The following PIK3C2G variants were observed in gnomAD, a reference collection of about 807,000 sequenced individuals.
PIK3C2G encodes the protein phosphatidylinositol-4-phosphate 3-kinase catalytic subunit type 2 gamma, also known as phosphatidylinositol 3-kinase C2 domain-containing subunit gamma.
In PIK3C2G, 168 loss-of-function variants were observed where a neutral mutation model predicts 181.1. The observed-to-expected ratio is 0.93, with a 90% confidence interval of 0.82 to 1.05. PIK3C2G has a LOEUF of 1.05. Ranked by LOEUF, PIK3C2G falls within the 50% of genes least tolerant of loss-of-function variation. The probability of loss-of-function intolerance (pLI) is 0.00; values close to 1 mark genes in which losing one functional copy is unlikely to be tolerated. For synonymous variants in PIK3C2G, 573 were observed against 592.2 expected (o/e 0.97, Z 0.47); for missense variants, 1,869 against 1,732.8 (o/e 1.08, Z -1.40).
chr12:18,381,687 A>G (rs1365322161), intron 13 of PIK3C2G, 79 bp from the exon 14 acceptor site: 2 of 869,138 alleles, frequency 2.3e-6, no homozygotes, highest in Non-Finnish European at 3.9e-6. Flanking sequence ...TTATATTCCA[A>G]AAGAAAACAT....
intron 14 of PIK3C2G, among the ~76,000 whole-genome samples, chr12:18,389,531 T>A (rs1259285018): frequency 1.3e-5 from 2 of 152,188 alleles, no homozygotes; most frequent in African/African-American, 4.8e-5. Context: ...CCTTTTCTCC[T>A]CAATTAAACT....
rs1481823992 is a variant in PIK3C2G at position 18,381,844 on chromosome 12, G to A, written c.1959G>A (p.Val653=). 1 of 1,613,400 alleles carries A rather than the reference G, an allele frequency of 6.2e-7. No homozygotes were observed. Among genetic ancestry groups the A allele is most frequent in the African/African-American group, 1.3e-5 (1 of 74,896 alleles). ...CCGTAGAAATGATAACTCCAGGAGT[G>A]TGGGATGTAAGTCAGCCATCCCCGG... ...EPPVEMITPG[V]WDVSQPSPVT... Residue 653 remains valine (V), a synonymous_variant, in exon 14 of 33, where the codon GTG becomes GTA. Transcript: ENST00000538779.
intron 22 of PIK3C2G, among the ~76,000 whole-genome samples, chr12:18,502,372 A>G (rs1198968050): frequency 1.3e-5 from 2 of 152,178 alleles, no homozygotes; most frequent in African/African-American, 4.8e-5. Context: ...CTCTCTGTTC[A>G]TATAGTTATA....
chr12:18,719,144 G>A, the PIK3C2G span, among the ~76,000 whole-genome samples: 1 of 152,118 alleles, frequency 6.6e-6, no homozygotes, highest in African/African-American at 2.4e-5. Context: ...TTTGAGAAGT[G>A]TCTAGGTTAT....
chr12:18,439,297 A>C (rs181196217), intron 18 of PIK3C2G, among the ~76,000 whole-genome samples: 1 of 152,098 alleles, frequency 6.6e-6, no homozygotes, highest in East Asian at 1.9e-4. Flanking sequence ...AAAGTCACAG[A>C]TCGCCAGTTG....
At chr12:18,268,042 G>A (rs1418030225) in intron 1 of PIK3C2G, among the ~76,000 whole-genome samples, 3 of 152,124 alleles carry the variant, frequency 2.0e-5, no homozygotes, top group South Asian at 2.1e-4. Context: ...GAATTGATCC[G>A]ACCCTATATC....
At chr12:18,253,294 C>T (rs930836022) in intron 1 of PIK3C2G, among the ~76,000 whole-genome samples, 3 of 151,984 alleles carry the variant, frequency 2.0e-5, no homozygotes, top group Non-Finnish European at 4.4e-5. Context: ...ATTTGTAACA[C>T]ATATAGTCAC....
At chr12:18,523,597 A>G (rs1278743649) in intron 24 of PIK3C2G, among the ~76,000 whole-genome samples, 1 of 152,210 alleles carries the variant, frequency 6.6e-6, no homozygotes, top group Non-Finnish European at 1.5e-5. Context: ...AGGATTGGGT[A>G]GGGCCAAATG....
chr12:18,519,662 CTT>C (rs1477640533), intron 24 of PIK3C2G, among the ~76,000 whole-genome samples: 1 of 152,080 alleles, frequency 6.6e-6, no homozygotes, highest in Non-Finnish European at 1.5e-5. Context: ...GGTCTTGACT[CTT>C]TATCCAATTT....
intron 24 of PIK3C2G, among the ~76,000 whole-genome samples, chr12:18,518,168 T>C (rs1198890492): frequency 1.3e-5 from 2 of 152,212 alleles, no homozygotes; most frequent in Admixed American, 6.5e-5. Flanking sequence ...CGCATTGATG[T>C]TCATCAGGGA....
In PIK3C2G at chr12:18,587,367, T is replaced by C. The variant is rs909600699; in HGVS notation, c.4012-7127T>C. On this transcript the variant is annotated intron_variant, in intron 29 of 32. Coordinates refer to ENST00000538779, the MANE Select transcript of PIK3C2G (RefSeq NM_001288772.2). ...AGACAACTTCAGCAAAGTTTTGGGA[T>C]ACAAATCAACATACAGAAAGGAGTA... is the stretch of plus-strand genomic sequence containing the variant. Among the ~76,000 whole-genome samples, 6 of 152,034 alleles carry C rather than the reference T, an allele frequency of 3.9e-5. 1 individual carries two copies. The highest frequency in any genetic ancestry group is 1.2e-4 in the African/African-American group (5 of 41,398).
intron 29 of PIK3C2G, among the ~76,000 whole-genome samples, chr12:18,567,616 A>C (rs1945706496): frequency 6.6e-6 from 1 of 151,694 alleles, no homozygotes; most frequent in Non-Finnish European, 1.5e-5. Flanking sequence ...ATCATTCCCG[A>C]TGCAATAATA....
At chr12:18,264,910 C>A (rs953710766) in intron 1 of PIK3C2G, among the ~76,000 whole-genome samples, 1 of 152,182 alleles carries the variant, frequency 6.6e-6, no homozygotes, top group African/African-American at 2.4e-5. Flanking sequence ...AGACTAATAA[C>A]CCACTGTAGA....
At chr12:18,274,639 C>T (rs1367475957) in intron 1 of PIK3C2G, among the ~76,000 whole-genome samples, 1 of 151,882 alleles carries the variant, frequency 6.6e-6, no homozygotes, top group African/African-American at 2.4e-5. Flanking sequence ...AACATCACAC[C>T]CCAGGGACTG....
upstream of PIK3C2G, among the ~76,000 whole-genome samples, chr12:18,243,320 A>C (rs1231353144): frequency 6.6e-6 from 1 of 151,780 alleles, no homozygotes; most frequent in Non-Finnish European, 1.5e-5. Flanking sequence ...GTTGGGTAAA[A>C]ATTTTTTCAG....
intron 24 of PIK3C2G, among the ~76,000 whole-genome samples, chr12:18,532,508 G>A (rs1943609987): frequency 6.6e-6 from 1 of 152,082 alleles, no homozygotes. Context: ...TAGGTATGAA[G>A]TTTGGGTCGT....
intron 8 of PIK3C2G, among the ~76,000 whole-genome samples, chr12:18,325,354 G>A (rs1317854285): frequency 6.6e-6 from 1 of 152,178 alleles, no homozygotes; most frequent in African/African-American, 2.4e-5. Context: ...CATTTGAGCT[G>A]AATGTTGACA....
chr12:18,422,246 T>G (rs1945529038), intron 17 of PIK3C2G, among the ~76,000 whole-genome samples: 1 of 151,952 alleles, frequency 6.6e-6, no homozygotes, highest in Admixed American at 6.6e-5. Context: ...AAGTTTCAAC[T>G]ATGTCATGAT....
At chr12:18,284,810 G>A (rs1229193313) in intron 2 of PIK3C2G, among the ~76,000 whole-genome samples, 3 of 152,076 alleles carry the variant, frequency 2.0e-5, no homozygotes, top group Non-Finnish European at 4.4e-5. Flanking sequence ...AAGCAAAACT[G>A]TAGAAATTAG....
Sources: allele counts gnomAD v4.1 joint callset (sites outside exome capture counted in the v4.1 genomes callset), GRCh38; gene constraint gnomAD v4.1.1; transcripts MANE v1.5; gene names NCBI Gene and HGNC (gene_info 2026-07-23, HGNC 2026-07-21).